Variants in FRMPD2 observed in about 807,000 individuals in gnomAD.
The protein encoded by FRMPD2 is FERM and PDZ domain-containing protein 2.
FRMPD2 carries 96 observed loss-of-function variants against 140.1 expected under a neutral mutation model. The ratio of observed to expected loss-of-function variants is 0.69; its 90% confidence interval spans 0.58 to 0.81. The LOEUF (loss-of-function observed/expected upper bound fraction) is 0.81, where lower values mean the gene tolerates loss of function less well. FRMPD2 is among the 40% of genes least tolerant of loss of function. FRMPD2 has a pLI of 0.00. For missense variants in FRMPD2, 1,240 were observed against 1,447.4 expected (o/e 0.86, Z 2.32); for synonymous variants, 449 against 547.6 (o/e 0.82, Z 2.52).
At chr10:48,205,244 G>T (rs930955546) in intron 14 of FRMPD2, among the ~76,000 whole-genome samples, 1 of 152,218 alleles carries the variant, frequency 6.6e-6, no homozygotes, top group African/African-American at 2.4e-5. Context: ...TCAGAGAATG[G>T]AAACCCTGAT....
intron 15 of FRMPD2, among the ~76,000 whole-genome samples, chr10:48,198,898 A>G (rs376234389): frequency 1.9e-4 from 29 of 152,278 alleles, no homozygotes; most frequent in Middle Eastern, 3.4e-3. Flanking sequence ...CTGTTGGTGT[A>G]TAGAGATGCT....
At chr10:48,246,075 C>CA (rs1840241888) in intron 3 of FRMPD2, among the ~76,000 whole-genome samples, 1 of 152,154 alleles carries the variant, frequency 6.6e-6, no homozygotes, top group Non-Finnish European at 1.5e-5. Flanking sequence ...AGATACCATG[C>CA]AAGAAAGTTC....
intron 1 of FRMPD2, among the ~76,000 whole-genome samples, chr10:48,263,050 A>C (rs1403361068): frequency 2.0e-5 from 3 of 152,186 alleles, no homozygotes; most frequent in Non-Finnish European, 4.4e-5. Flanking sequence ...ATTAAACAAC[A>C]CACTTCTAAA....
chr10:48,207,578 C>T (rs144555931), intron 13 of FRMPD2, among the ~76,000 whole-genome samples: 16 of 152,290 alleles, frequency 1.1e-4, no homozygotes, highest in Non-Finnish European at 1.8e-4. Context: ...CTGGGGACTG[C>T]GTTAGGCCAC....
intron 26 of FRMPD2, among the ~76,000 whole-genome samples, chr10:48,170,790 C>T (rs1488908901): frequency 6.6e-6 from 1 of 151,496 alleles, no homozygotes; most frequent in African/African-American, 2.4e-5. Context: ...AGAAGCAAGG[C>T]TGACTCAAGG....
At position 48,274,658 on chromosome 10, in the gene FRMPD2, T is replaced by C. The variant is rs1840823793; in HGVS notation, c.-91A>G. 1.6e-6 allele frequency: 2 copies of C among 1,218,908 alleles called. No homozygotes were observed. Among genetic ancestry groups the C allele is most frequent in the Admixed American group, 1.8e-5 (1 of 55,350 alleles). 75.5% of individuals were successfully genotyped at this position (1,218,908 alleles called of 1,614,324 possible). On this transcript the variant is annotated 5_prime_UTR_variant, in exon 1 of 29. Coordinates refer to ENST00000374201, the MANE Select transcript of FRMPD2 (RefSeq NM_001018071.4). Reference sequence around the variant, plus strand: ...TCTCTTGCAAGTCTGTCCGCGGAGCTCCCTGCCACCAGCACTGTTGCCGCT... The same window carrying C: ...TCTCTTGCAAGTCTGTCCGCGGAGCCCCCTGCCACCAGCACTGTTGCCGCT...
At chr10:48,235,453 A>G (rs1393410711) in intron 9 of FRMPD2, among the ~76,000 whole-genome samples, 1 of 152,222 alleles carries the variant, frequency 6.6e-6, no homozygotes, top group South Asian at 2.1e-4. Flanking sequence ...AGTGCACTGC[A>G]ACAGACATCC....
intron 12 of FRMPD2, among the ~76,000 whole-genome samples, chr10:48,215,590 G>A (rs540609510): frequency 3.3e-5 from 5 of 152,326 alleles, no homozygotes; most frequent in African/African-American, 1.2e-4. Flanking sequence ...ATGGGTTTGT[G>A]TAAACCTGTT....
chr10:48,215,022 T>C (rs1839413312), intron 12 of FRMPD2, among the ~76,000 whole-genome samples: 1 of 152,256 alleles, frequency 6.6e-6, no homozygotes, highest in East Asian at 1.9e-4. Context: ...GTTATTCTGC[T>C]GTGATGATGT....
intron 28 of FRMPD2, among the ~76,000 whole-genome samples, chr10:48,157,693 CAA>C (rs1338480901): frequency 7.7e-6 from 1 of 129,050 alleles, no homozygotes; most frequent in Admixed American, 7.9e-5. Context: ...TATGCACACT[CAA>C]GTGTATAAAA....
intron 2 of FRMPD2, 99 bp from the exon 3 acceptor site, chr10:48,249,277 G>A (rs2131964016): frequency 8.7e-7 from 1 of 1,147,080 alleles, no homozygotes; most frequent in South Asian, 1.5e-5. Flanking sequence ...ACCCATCTCT[G>A]GGACTGAATG....
rs1839863156 is a variant in FRMPD2 at position 48,232,153 on chromosome 10, A to T, written c.1130T>A (p.Leu377His). Residue 377 changes from leucine (L) to histidine (H), a missense_variant, in exon 10 of 29, where the codon CTC becomes CAC. This residue lies in a region of FRMPD2 where 1,161 missense variants were observed against 1,055.9 expected (regional missense o/e 1.10). Transcript: ENST00000374201. ...CAAGCCAAAGTAGGTGAGTTCCTCG[A>T]GGTTGGCAAAGGATGTCACGGCATT... is the stretch of plus-strand genomic sequence containing the variant. The part of the protein sequence containing the change: ...VFNAVTSFAN[L>H]EELTYFGLAY... The T allele has an allele frequency of 6.2e-7, 1 of 1,614,200 alleles. No homozygotes were observed. The highest frequency in any genetic ancestry group is 1.3e-5 in the African/African-American group (1 of 75,066).
In FRMPD2 at chr10:48,192,840, G is replaced by T. The variant is rs774866262; in HGVS notation, c.2009C>A (p.Ser670Tyr). 1 of 1,614,034 alleles carries T rather than the reference G, an allele frequency of 6.2e-7. No homozygotes were observed. Among genetic ancestry groups the T allele is most frequent in the Non-Finnish European group, 8.5e-7 (1 of 1,180,030 alleles). The change falls in exon 16 of 29, where the codon TCT becomes TAT. Residue 670 changes from serine (S) to tyrosine (Y), a missense_variant. Around this residue, in one of 6 missense-constraint regions of FRMPD2, gnomAD observed 1,161 missense variants for 1,055.9 expected, o/e 1.10. Transcript: ENST00000374201. ...TCTCTGAATCCAAATGAGAGGCTTA[G>T]ACCGGGCCTGGTGTGCAGGACTCAA... ...ANLSPAHQAR[S>Y]KPLIWIQRLS... is the part of the protein sequence containing the mutation.
At chr10:48,216,946 G>A (rs1378090719) in intron 12 of FRMPD2, among the ~76,000 whole-genome samples, 1 of 152,166 alleles carries the variant, frequency 6.6e-6, no homozygotes, top group Admixed American at 6.5e-5. Flanking sequence ...GGGCAGGAAG[G>A]AGTTCAAGGG....
chr10:48,198,575 T>C (rs192364074), intron 15 of FRMPD2, among the ~76,000 whole-genome samples: 4 of 152,190 alleles, frequency 2.6e-5, no homozygotes, highest in South Asian at 2.1e-4. Context: ...TTAGGTCCCA[T>C]ATGAATTTTA....
Position 48,240,493 on chromosome 10 carries a change from C to G in FRMPD2, c.568-1G>C. 1 of 1,613,716 alleles carries G rather than the reference C, an allele frequency of 6.2e-7. No individual in the cohort carries two copies. The highest frequency in any genetic ancestry group is 1.1e-5 in the South Asian group (1 of 91,086). ...TTTCCTCCACAACTCTTTTCTCCAC[C>G]TGGGGGTCAAGTGCATCACACATCC... On this transcript the variant is annotated splice_acceptor_variant, in intron 5 of 28. Transcript: ENST00000374201. LOFTEE classifies it high-confidence loss of function.
At position 48,242,463 on chromosome 10, in the gene FRMPD2, A is replaced by T. The variant is rs544998667; in HGVS notation, c.376-111T>A. On this transcript the variant is annotated intron_variant, in intron 4 of 28. Transcript: ENST00000374201. Reference sequence around the variant, plus strand: ...CATGGAAACGGGTGTTCCCACAAGCACCAGAGCAGATGCCTGCCCCTTCTG... The same window carrying T: ...CATGGAAACGGGTGTTCCCACAAGCTCCAGAGCAGATGCCTGCCCCTTCTG... 188 of 885,840 alleles carry T rather than the reference A, an allele frequency of 2.1e-4. No homozygotes were observed. The African/African-American group carries it at 2.9e-3, about 14-fold the overall frequency. The allele number at this position is 885,840 out of a possible 1,614,324, so 54.9% of individuals were successfully genotyped here.
At chr10:48,195,087 G>A (rs1838920857) in intron 15 of FRMPD2, among the ~76,000 whole-genome samples, 1 of 152,210 alleles carries the variant, frequency 6.6e-6, no homozygotes, top group Admixed American at 6.5e-5. Context: ...TAAGGACACA[G>A]GATATACTCT....
chr10:48,225,915 A>G (rs1839711038), intron 10 of FRMPD2, among the ~76,000 whole-genome samples: 1 of 152,114 alleles, frequency 6.6e-6, no homozygotes, highest in South Asian at 2.1e-4. Context: ...TCTGAAGGAC[A>G]TGGTCCTTCT....
Sources: gnomAD v4.1 joint callset for allele counts (sites outside exome capture counted in the v4.1 genomes callset) on GRCh38, gnomAD v4.1.1 for gene constraint, gnomAD v4.1.1 regional missense constraint, MANE v1.5 for transcripts, NCBI Gene and HGNC (gene_info 2026-07-23, HGNC 2026-07-21) for gene names.